Variants in STARD13 observed in about 807,000 individuals in gnomAD.
STARD13 encodes the protein stAR-related lipid transfer protein 13.
A neutral mutation model predicts 106.4 loss-of-function variants in STARD13; 62 were observed. The observed-to-expected ratio is 0.58, with a 90% CI of 0.48 to 0.72. The LOEUF (loss-of-function observed/expected upper bound fraction) is 0.72. Ranked by LOEUF, STARD13 falls within the 30% of genes least tolerant of loss-of-function variation. The probability of loss-of-function intolerance (pLI) is 0.00; values close to 1 mark genes in which losing one functional copy is unlikely to be tolerated. For missense variants in STARD13, 1,387 were observed against 1,424.0 expected, an observed-to-expected ratio of 0.97 and a Z score of 0.42; for synonymous variants, 565 against 553.0, an observed-to-expected ratio of 1.02 and a Z score of -0.31.
chr13:33,116,536 C>T (rs1451776885), intron 8 of STARD13, among the ~76,000 whole-genome samples: 1 of 152,220 alleles, frequency 6.6e-6, no homozygotes, highest in African/African-American at 2.4e-5. Context: ...ATAAAGCCTG[C>T]TTTGATCTGG....
rs148494171 is a variant in STARD13, at chr13:33,216,491, C to T, written c.170-48869G>A. ...GAAAACCAAACATCATATATTCTTA[C>T]TTATAAGTGGGAGCTGAGCTATGAG... is the stretch of plus-strand genomic sequence containing the variant. On this transcript the variant is annotated intron_variant, in intron 1 of 13. Transcript: ENST00000336934. 6.5e-3 allele frequency among the ~76,000 whole-genome samples: 984 copies of T among 152,198 alleles called. 24 individuals carry two copies. The highest frequency in any genetic ancestry group is 0.062 in the East Asian group (323 of 5,178).
intron 1 of STARD13, among the ~76,000 whole-genome samples, chr13:33,179,789 C>A (rs1230137129): frequency 6.6e-6 from 1 of 152,160 alleles, no homozygotes; most frequent in Non-Finnish European, 1.5e-5. Flanking sequence ...CAGGAGGGGG[C>A]ATTTTGGATA....
chr13:33,214,881 T>A (rs1437088862), intron 1 of STARD13, among the ~76,000 whole-genome samples: 1 of 152,170 alleles, frequency 6.6e-6, no homozygotes, highest in Non-Finnish European at 1.5e-5. Context: ...CAGATGCTAC[T>A]GATCTCCTTT....
At chr13:33,244,994 G>C (rs1475335741) in intron 1 of STARD13, among the ~76,000 whole-genome samples, 1 of 152,206 alleles carries the variant, frequency 6.6e-6, no homozygotes, top group Non-Finnish European at 1.5e-5. Context: ...GAGGAAGAAA[G>C]AATCTCCTTA....
In STARD13 at chr13:33,105,487, G is replaced by A. The variant is rs945082825; in HGVS notation, c.*106C>T. The stretch of plus-strand genomic sequence containing the variant: ...ACGTTTCCATTTTTAGGCATTAACC[G>A]CGTCCTTCAGTTCCTCTTTCTCTCG... On this transcript the variant is annotated 3_prime_UTR_variant, in exon 14 of 14. Transcript: ENST00000336934. 12 of 771,170 alleles carry A rather than the reference G, an allele frequency of 1.6e-5. No individual in the cohort carries two copies. Among genetic ancestry groups the A allele is most frequent in the East Asian group, 1.5e-4 (6 of 40,430 alleles). 47.8% of individuals were successfully genotyped at this position (771,170 alleles called of 1,614,324 possible).
At chr13:33,622,659 A>C in the STARD13 span, among the ~76,000 whole-genome samples, 6 of 138,446 alleles carry the variant, frequency 4.3e-5, no homozygotes, top group Non-Finnish European at 6.3e-5. Context: ...TGGTGGCTCA[A>C]GCCTGTACTC....
chr13:33,509,609 C>T, the STARD13 span, among the ~76,000 whole-genome samples: 2 of 152,120 alleles, frequency 1.3e-5, no homozygotes, highest in East Asian at 3.9e-4. Flanking sequence ...AGGCTGATTG[C>T]TAAGAGGGAG....
chr13:33,211,500 T>C (rs1057474603), intron 1 of STARD13, among the ~76,000 whole-genome samples: 5 of 152,162 alleles, frequency 3.3e-5, no homozygotes, highest in Admixed American at 2.0e-4. Context: ...GGGGGATTGG[T>C]TCCAGGATCC....
the STARD13 span, among the ~76,000 whole-genome samples, chr13:33,436,137 G>A: frequency 2.0e-5 from 3 of 152,154 alleles, no homozygotes; most frequent in African/African-American, 4.8e-5. Flanking sequence ...TCCGTGAAGC[G>A]TCTTTTGAAA....
the STARD13 span, among the ~76,000 whole-genome samples, chr13:33,358,224 G>A: frequency 6.6e-6 from 1 of 152,232 alleles, no homozygotes; most frequent in Non-Finnish European, 1.5e-5. Flanking sequence ...CCATGGGGCA[G>A]GGCTCGGGAC....
upstream of STARD13, among the ~76,000 whole-genome samples, chr13:33,351,094 T>A (rs976486492): frequency 2.6e-5 from 4 of 152,184 alleles, no homozygotes; most frequent in Non-Finnish European, 4.4e-5. Context: ...ATTATGTTAA[T>A]CCTTCCTGAT....
At chr13:33,491,979 G>C in the STARD13 span, among the ~76,000 whole-genome samples, 1 of 152,176 alleles carries the variant, frequency 6.6e-6, no homozygotes, top group Admixed American at 6.5e-5. Context: ...GGGAGACAGG[G>C]GTGGGGCCGT....
the STARD13 span, among the ~76,000 whole-genome samples, chr13:33,481,853 G>T: frequency 3.8e-5 from 4 of 106,546 alleles, no homozygotes; most frequent in Non-Finnish European, 7.6e-5. Flanking sequence ...GTGGTGGCGG[G>T]CGCCTGTAAG....
downstream of STARD13, among the ~76,000 whole-genome samples, chr13:33,347,200 T>A (rs76909750): frequency 2.7e-3 from 413 of 152,288 alleles, 1 homozygote; most frequent in African/African-American, 9.6e-3. Context: ...ATGACAGTGG[T>A]CCCATAAGCT....
At chr13:33,128,840 G>C (rs1877655946) in intron 5 of STARD13, 89 bp downstream of exon 5, 1 of 1,329,164 alleles carries the variant, frequency 7.5e-7, no homozygotes, top group African/African-American at 1.5e-5. Context: ...CATTTAGTAA[G>C]TACTCTGTGT....
the STARD13 span, among the ~76,000 whole-genome samples, chr13:33,497,788 A>G: frequency 6.6e-6 from 1 of 152,196 alleles, no homozygotes; most frequent in Non-Finnish European, 1.5e-5. Flanking sequence ...GGAGAGTATC[A>G]GGTTTGGTGA....
chr13:33,115,727 A>G (rs142729704), intron 8 of STARD13, among the ~76,000 whole-genome samples: 5 of 152,322 alleles, frequency 3.3e-5, no homozygotes, highest in African/African-American at 1.2e-4. Flanking sequence ...GCCAAGAAAA[A>G]TGCTGAGAGC....
rs1446014885 is a variant in STARD13, at chr13:33,126,257, C to A, written c.1923-17G>T. 1 of 1,612,414 alleles carries A rather than the reference C, an allele frequency of 6.2e-7. No individual in the cohort carries two copies. The highest frequency in any genetic ancestry group is 2.2e-5 in the East Asian group (1 of 44,860). On this transcript the variant is annotated splice_polypyrimidine_tract_variant and intron_variant, in intron 6 of 13. Transcript: ENST00000336934. ...GGAACTGACCTAGAATTTACAGAAA[C>A]CAGGTCATGCAAGCCTCCTGGGTCA...
chr13:33,273,812 G>A (rs561764037), intron 1 of STARD13: 1 of 152,234 alleles, frequency 6.6e-6, no homozygotes, highest in Admixed American at 6.5e-5. Flanking sequence ...ATGTAAAACT[G>A]GAAAGGTTTA....
Sources: gnomAD v4.1 joint callset for allele counts (sites outside exome capture counted in the v4.1 genomes callset) on GRCh38, gnomAD v4.1.1 for gene constraint, MANE v1.5 for transcripts, NCBI Gene and HGNC (gene_info 2026-07-23, HGNC 2026-07-21) for gene names.